SIPA1L3: variants seen among roughly 807,000 people sequenced by gnomAD.
The protein encoded by SIPA1L3 is signal induced proliferation associated 1 like 3.
SIPA1L3 carries 59 observed loss-of-function variants against 150.1 expected under a neutral mutation model. The observed-to-expected ratio is 0.39, with a 90% CI of 0.32 to 0.49. The LOEUF is 0.49. Ranked by LOEUF, SIPA1L3 falls within the 20% of genes least tolerant of loss-of-function variation. SIPA1L3 has a pLI of 0.86. For synonymous variants in SIPA1L3, 1,070 were observed against 1,077.6 expected (o/e 0.99, Z 0.14); for missense variants, 2,211 against 2,489.5 (o/e 0.89, Z 2.38).
intron 1 of SIPA1L3, among the ~76,000 whole-genome samples, chr19:37,954,660 C>T (rs557765214): frequency 1.9e-4 from 29 of 152,240 alleles, no homozygotes; most frequent in African/African-American, 6.3e-4. Context: ...AGCGTGAAGC[C>T]TCTCGGCTTT....
At chr19:38,105,868 C>G (rs1970611596) in intron 6 of SIPA1L3, among the ~76,000 whole-genome samples, 1 of 152,172 alleles carries the variant, frequency 6.6e-6, no homozygotes, top group Non-Finnish European at 1.5e-5. Context: ...CATGATTTCT[C>G]TGGGCTGTGG....
chr19:38,030,633 T>C (rs1407798941), intron 2 of SIPA1L3, among the ~76,000 whole-genome samples: 3 of 24,434 alleles, frequency 1.2e-4, no homozygotes, highest in African/African-American at 2.0e-4. Context: ...AATATATATA[T>C]ATATATATAT....
intron 13 of SIPA1L3, among the ~76,000 whole-genome samples, chr19:38,159,176 C>T (rs1402583128): frequency 6.6e-6 from 1 of 152,248 alleles, no homozygotes; most frequent in Non-Finnish European, 1.5e-5. Context: ...GAAAGCCACA[C>T]ACGCGGTGAC....
intron 2 of SIPA1L3, among the ~76,000 whole-genome samples, chr19:38,053,887 G>A (rs1969259841): frequency 6.6e-6 from 1 of 151,140 alleles, no homozygotes; most frequent in African/African-American, 2.4e-5. Flanking sequence ...ATTTTGTGAG[G>A]TTGGTGCAAA....
intron 1 of SIPA1L3, among the ~76,000 whole-genome samples, chr19:37,939,190 T>C (rs983134965): frequency 4.6e-5 from 7 of 152,140 alleles, no homozygotes; most frequent in Admixed American, 3.3e-4. Flanking sequence ...ACTATACCTG[T>C]TCTACCCACT....
chr19:38,062,863 C>T (rs1276067969), intron 2 of SIPA1L3, among the ~76,000 whole-genome samples: 9 of 152,198 alleles, frequency 5.9e-5, no homozygotes, highest in East Asian at 1.9e-4. Context: ...TCAGGTGATC[C>T]GCCTGCCGTG....
At chr19:38,090,849 T>C (rs1970241652) in intron 4 of SIPA1L3, among the ~76,000 whole-genome samples, 1 of 152,108 alleles carries the variant, frequency 6.6e-6, no homozygotes, top group Non-Finnish European at 1.5e-5. Flanking sequence ...ACCTTCCCAC[T>C]GAGTTGGGGG....
intron 1 of SIPA1L3, among the ~76,000 whole-genome samples, chr19:38,026,310 C>T (rs1968509259): frequency 6.6e-6 from 1 of 152,174 alleles, no homozygotes; most frequent in Non-Finnish European, 1.5e-5. Flanking sequence ...CCATCTCTTT[C>T]CCCCATAGTC....
chr19:38,081,142 A>G (rs1969968437), intron 2 of SIPA1L3, 114 bp from the exon 3 acceptor site: 1 of 398,816 alleles, frequency 2.5e-6, no homozygotes. Context: ...GCAAATTTCC[A>G]TAATAAAAAG....
At chr19:38,036,521 T>A (rs1455895058) in intron 2 of SIPA1L3, among the ~76,000 whole-genome samples, 1 of 152,196 alleles carries the variant, frequency 6.6e-6, no homozygotes, top group Non-Finnish European at 1.5e-5. Context: ...CGCAGCTCCG[T>A]GGAGTGCTTG....
intron 1 of SIPA1L3, among the ~76,000 whole-genome samples, chr19:37,915,618 G>A (rs912076175): frequency 3.3e-5 from 5 of 152,116 alleles, no homozygotes; most frequent in South Asian, 4.1e-4. Flanking sequence ...CTCACCTCAA[G>A]TGATCCGACG....
chr19:38,029,267 G>A (rs112315272), intron 2 of SIPA1L3, 111 bp downstream of exon 2: 10 of 152,014 alleles, frequency 6.6e-5, no homozygotes, highest in Admixed American at 3.3e-4. Flanking sequence ...AGTTTGCATC[G>A]CTGTACTTCT....
In SIPA1L3 at chr19:37,952,398, C is replaced by T. The variant is rs1196661640; in HGVS notation, c.-379+45040C>T. Among the ~76,000 whole-genome samples, 5 of 152,256 alleles carry T rather than the reference C, an allele frequency of 3.3e-5. No individual in the cohort carries two copies. The East Asian group carries it at 5.8e-4, about 18-fold the overall frequency. On this transcript the variant is annotated intron_variant, in intron 1 of 21. Coordinates refer to ENST00000222345, the MANE Select transcript of SIPA1L3 (RefSeq NM_015073.3). The stretch of plus-strand genomic sequence containing the variant: ...TAAATTTAAAAAATTCTCTGCCAGG[C>T]GCAGTGGCTCATGCCTGTAATCCTA...
At chr19:38,050,227 A>G (rs1969158163) in intron 2 of SIPA1L3, among the ~76,000 whole-genome samples, 1 of 152,020 alleles carries the variant, frequency 6.6e-6, no homozygotes, top group Admixed American at 6.6e-5. Flanking sequence ...AGGCCGAGGC[A>G]GGTGGATCAC....
intron 16 of SIPA1L3, among the ~76,000 whole-genome samples, chr19:38,187,007 CAA>C (rs1046528016): frequency 3.6e-4 from 29 of 80,276 alleles, no homozygotes; most frequent in East Asian, 1.8e-3. Flanking sequence ...AACTCTGTCT[CAA>C]AAAAAAAAAA....
intron 1 of SIPA1L3, among the ~76,000 whole-genome samples, chr19:38,020,090 C>A (rs975845834): frequency 7.5e-6 from 1 of 134,156 alleles, no homozygotes; most frequent in Non-Finnish European, 1.6e-5. Context: ...GAGACCCCGT[C>A]TCTCTCTCTC....
chr19:37,927,749 C>T (rs1230185805), intron 1 of SIPA1L3, among the ~76,000 whole-genome samples: 2 of 146,214 alleles, frequency 1.4e-5, no homozygotes, highest in South Asian at 2.2e-4. Flanking sequence ...TGTGTGTGTA[C>T]GTGTACGCAA....
chr19:37,962,742 T>C (rs1019451043), intron 1 of SIPA1L3, among the ~76,000 whole-genome samples: 1 of 152,136 alleles, frequency 6.6e-6, no homozygotes, highest in African/African-American at 2.4e-5. Context: ...TCCTCCTGCC[T>C]TGGCTTTCCA....
At chr19:38,112,071 C>T (rs1970771837) in intron 8 of SIPA1L3, among the ~76,000 whole-genome samples, 1 of 139,368 alleles carries the variant, frequency 7.2e-6, no homozygotes, top group African/African-American at 3.1e-5. Context: ...CGTATGCACA[C>T]ACCATGCGTC....
Sources: allele counts gnomAD v4.1 joint callset (sites outside exome capture counted in the v4.1 genomes callset), GRCh38; gene constraint gnomAD v4.1.1; transcripts MANE v1.5; gene names NCBI Gene and HGNC (gene_info 2026-07-23, HGNC 2026-07-21).